POLN: variants seen among roughly 807,000 people sequenced by gnomAD.
The protein encoded by POLN is DNA polymerase N.
POLN carries 108 observed loss-of-function variants against 113.5 expected under a neutral mutation model. That is an observed-to-expected ratio of 0.95 (90% CI 0.81 to 1.12). POLN has a LOEUF of 1.12. POLN is among the 50% of genes most tolerant of loss of function. The probability of loss-of-function intolerance (pLI) is 0.00; values close to 1 mark genes in which losing one functional copy is unlikely to be tolerated. For missense variants in POLN, 1,097 were observed against 1,077.1 expected (o/e 1.02, Z -0.26); for synonymous variants, 386 against 391.5 (o/e 0.99, Z 0.17).
At chr4:2,122,020 T>G (rs1731455610) in intron 19 of POLN, among the ~76,000 whole-genome samples, 1 of 152,186 alleles carries the variant, frequency 6.6e-6, no homozygotes, top group Admixed American at 6.5e-5. Flanking sequence ...TTGACAAAAA[T>G]GCTTTGCTGT....
chr4:2,152,862 C>T (rs1307244532), intron 16 of POLN, among the ~76,000 whole-genome samples: 1 of 152,184 alleles, frequency 6.6e-6, no homozygotes, highest in Non-Finnish European at 1.5e-5. Context: ...CTCTGCCACA[C>T]ATTGCTCAGG....
At chr4:2,076,827 A>G (rs1156748751) in intron 23 of POLN, 1 of 152,368 alleles carries the variant, frequency 6.6e-6, no homozygotes. Flanking sequence ...GGACTTTGCA[A>G]CAGAGATTTC....
chr4:2,234,061 AAAAAG>A (rs1268469322), intron 2 of POLN, among the ~76,000 whole-genome samples: 1 of 152,248 alleles, frequency 6.6e-6, no homozygotes, highest in Non-Finnish European at 1.5e-5. Context: ...ACAAAAGAAA[AAAAAG>A]AAGACTATCA....
intron 20 of POLN, chr4:2,089,801 C>T: frequency 2.5e-6 from 2 of 785,746 alleles, no homozygotes; most frequent in Non-Finnish European, 4.2e-6. Context: ...TCTTTGGAAG[C>T]ACATTCAGAT....
intron 13 of POLN, among the ~76,000 whole-genome samples, chr4:2,165,968 G>A (rs892192099): frequency 1.2e-4 from 18 of 151,904 alleles, no homozygotes; most frequent in Admixed American, 9.8e-4. Context: ...GTAGAGAAAT[G>A]GTCTCACTAT....
At chr4:2,091,698 C>T (rs1032344450) in intron 20 of POLN, among the ~76,000 whole-genome samples, 4 of 152,148 alleles carry the variant, frequency 2.6e-5, no homozygotes, top group Non-Finnish European at 5.9e-5. Flanking sequence ...TGAAATCCTA[C>T]ACGAACACAC....
chr4:2,125,119 G>C (rs561619160), intron 19 of POLN, among the ~76,000 whole-genome samples: 1 of 152,200 alleles, frequency 6.6e-6, no homozygotes, highest in Non-Finnish European at 1.5e-5. Flanking sequence ...AACAATGCTA[G>C]AGTAAAAATG....
Position 2,241,524 on chromosome 4 carries a change from A to T in POLN, c.-17T>A. 1.0e-6 allele frequency: 1 copy of T among 985,798 alleles called. No homozygotes were observed. The highest frequency in any genetic ancestry group is 1.2e-6 in the Non-Finnish European group (1 of 830,198). 61.1% of individuals were successfully genotyped at this position (985,798 alleles called of 1,614,324 possible). ...GAAGATCAACTAAATATTTACCTCAACGTCTCGCCGGGCAAGGCTCCACCT... is the reference window on the plus strand; with the variant it reads ...GAAGATCAACTAAATATTTACCTCATCGTCTCGCCGGGCAAGGCTCCACCT... On this transcript the variant is annotated 5_prime_UTR_variant, in exon 2 of 26. It adds an upstream start codon to the 5' untranslated region. Coordinates refer to ENST00000511885, the MANE Select transcript of POLN (RefSeq NM_181808.4).
intron 5 of POLN, among the ~76,000 whole-genome samples, chr4:2,206,648 T>C (rs1733852239): frequency 6.6e-6 from 1 of 152,146 alleles, no homozygotes; most frequent in Non-Finnish European, 1.5e-5. Flanking sequence ...TATGAAAAAA[T>C]GCTCATCATC....
intron 19 of POLN, among the ~76,000 whole-genome samples, chr4:2,101,483 C>T (rs1250380863): frequency 6.6e-6 from 1 of 152,206 alleles, no homozygotes; most frequent in Non-Finnish European, 1.5e-5. Context: ...TCCCCAGTAC[C>T]GGAGGGGGTG....
At chr4:2,120,932 T>TA (rs1458395450) in intron 19 of POLN, among the ~76,000 whole-genome samples, 1 of 152,256 alleles carries the variant, frequency 6.6e-6, no homozygotes, top group African/African-American at 2.4e-5. Context: ...TTATTAGTTC[T>TA]AAGAGTTAAA....
intron 20 of POLN, chr4:2,089,007 CA>C: frequency 3.4e-6 from 3 of 876,118 alleles, no homozygotes; most frequent in Non-Finnish European, 5.6e-6. Context: ...TTGTTTTTCT[CA>C]TTATCCTTAG....
intron 20 of POLN, among the ~76,000 whole-genome samples, chr4:2,092,744 G>T (rs1420246966): frequency 6.6e-6 from 1 of 152,242 alleles, no homozygotes; most frequent in African/African-American, 2.4e-5. Flanking sequence ...TATGTTATGT[G>T]AAAACACGTC....
chr4:2,193,100 C>T, intron 7 of POLN, 104 bp downstream of exon 7: 1 of 831,164 alleles, frequency 1.2e-6, no homozygotes, highest in Non-Finnish European at 1.9e-6. Flanking sequence ...GTGGCCAGGT[C>T]CTCCAGGAGT....
chr4:2,132,594 G>T (rs147209640), intron 16 of POLN, among the ~76,000 whole-genome samples: 1 of 152,250 alleles, frequency 6.6e-6, no homozygotes, highest in African/African-American at 2.4e-5. Flanking sequence ...CTTGAAACTA[G>T]CCAGGGTAAA....
chr4:2,188,851 G>A (rs1053474093), intron 7 of POLN, among the ~76,000 whole-genome samples: 4 of 152,104 alleles, frequency 2.6e-5, no homozygotes, highest in South Asian at 2.1e-4. Context: ...CACATAAATC[G>A]AGGCAACAAA....
intron 7 of POLN, among the ~76,000 whole-genome samples, chr4:2,187,928 T>C (rs993720813): frequency 1.3e-5 from 2 of 151,930 alleles, no homozygotes; most frequent in African/African-American, 4.8e-5. Flanking sequence ...CAGGACAACA[T>C]AGTGAGACCC....
At chr4:2,238,103 C>T (rs1210401726) in intron 2 of POLN, among the ~76,000 whole-genome samples, 1 of 152,140 alleles carries the variant, frequency 6.6e-6, no homozygotes, top group Admixed American at 6.5e-5. Flanking sequence ...CTACTTTAGC[C>T]CTCCAATTTT....
intron 16 of POLN, among the ~76,000 whole-genome samples, chr4:2,144,422 T>C (rs1350419635): frequency 6.6e-6 from 1 of 152,064 alleles, no homozygotes; most frequent in African/African-American, 2.4e-5. Context: ...GGATTACAGG[T>C]GTGAGCCACC....
Sources: allele counts gnomAD v4.1 joint callset (sites outside exome capture counted in the v4.1 genomes callset), GRCh38; gene constraint gnomAD v4.1.1; transcripts MANE v1.5; gene names NCBI Gene and HGNC (gene_info 2026-07-23, HGNC 2026-07-21).